The following TMCC1 variants were observed in gnomAD, a reference collection of about 807,000 sequenced individuals.
TMCC1 encodes the protein transmembrane and coiled-coil domains protein 1.
Under a neutral mutation model 52.4 loss-of-function variants are expected in TMCC1, and 15 were observed. That is an observed-to-expected ratio of 0.29 (90% CI 0.19 to 0.44). The LOEUF (loss-of-function observed/expected upper bound fraction) is 0.44. TMCC1 is among the 20% of genes least tolerant of loss of function. The pLI, the probability that TMCC1 is intolerant of heterozygous loss-of-function variation, is 1.00. For missense variants in TMCC1, 503 were observed against 806.0 expected (o/e 0.62, Z 4.55); for synonymous variants, 279 against 301.9 (o/e 0.92, Z 0.79).
chr3:129,797,926 A>C (rs2056941738), intron 4 of TMCC1, among the ~76,000 whole-genome samples: 1 of 151,986 alleles, frequency 6.6e-6, no homozygotes, highest in Non-Finnish European at 1.5e-5. Flanking sequence ...CTAACATTTA[A>C]GCTGTTTAAA....
chr3:129,807,124 A>G (rs1326496257), intron 4 of TMCC1, among the ~76,000 whole-genome samples: 1 of 152,180 alleles, frequency 6.6e-6, no homozygotes, highest in Non-Finnish European at 1.5e-5. Context: ...AGCAGGCAAA[A>G]CTAAACAATA....
chr3:129,786,501 T>C (rs2056047733), intron 4 of TMCC1, among the ~76,000 whole-genome samples: 1 of 151,868 alleles, frequency 6.6e-6, no homozygotes, highest in Admixed American at 6.6e-5. Context: ...GGGGAAGGAG[T>C]CTTGGGAACC....
intron 4 of TMCC1, among the ~76,000 whole-genome samples, chr3:129,779,275 C>G (rs573962960): frequency 2.0e-5 from 3 of 152,132 alleles, no homozygotes; most frequent in Non-Finnish European, 4.4e-5. Flanking sequence ...TAAAATATCT[C>G]TTATATTTTA....
Position 129,757,559 on chromosome 3 carries a change from G to C in TMCC1, c.576+70244C>G, listed in dbSNP as rs781594023. 9.9e-4 allele frequency among the ~76,000 whole-genome samples: 151 copies of C among 152,150 alleles called. 4 individuals are homozygous for C. Among genetic ancestry groups the C allele is most frequent in the Non-Finnish European group, 2.9e-4 (20 of 68,016 alleles). On this transcript the variant is annotated intron_variant, in intron 4 of 6. Transcript: ENST00000393238. The stretch of plus-strand genomic sequence containing the variant: ...GAATCGGCTGGGCATGGTTGCTCAT[G>C]CCTGTAATCCCAGCACTTTGGGAGG...
intron 4 of TMCC1, among the ~76,000 whole-genome samples, chr3:129,678,389 C>G (rs2088657090): frequency 9.0e-6 from 1 of 110,776 alleles, no homozygotes. Flanking sequence ...GAGATGGCGT[C>G]TCACTCTGTT....
In TMCC1 at chr3:129,709,563, T is replaced by C. The variant is rs184253127; in HGVS notation, c.577-38299A>G. On this transcript the variant is annotated intron_variant, in intron 4 of 6. Transcript: ENST00000393238. ...CATTTACTTTTCTCTGGTTAGTCCA[T>C]GATCCTGAGGTCCAAGTTTTTTGTT... Among the ~76,000 whole-genome samples the C allele has an allele frequency of 9.2e-5, 14 of 151,528 alleles. No homozygotes were observed. The East Asian group carries it at 2.5e-3, about 27-fold the overall frequency.
chr3:129,840,720 C>T (rs1253650873), intron 2 of TMCC1, among the ~76,000 whole-genome samples: 3 of 152,196 alleles, frequency 2.0e-5, no homozygotes, highest in Admixed American at 6.5e-5. Context: ...ACTCCTGCTG[C>T]CATGTAAGAC....
chr3:129,732,338 CA>C (rs769047315), intron 4 of TMCC1, among the ~76,000 whole-genome samples: 44 of 152,102 alleles, frequency 2.9e-4, no homozygotes, highest in Non-Finnish European at 4.6e-4. Flanking sequence ...GTTAAGTTTT[CA>C]AAGTCTTTGC....
At chr3:129,860,597 CATT>C (rs907218479) in intron 2 of TMCC1, among the ~76,000 whole-genome samples, 2 of 151,494 alleles carry the variant, frequency 1.3e-5, no homozygotes, top group African/African-American at 2.4e-5. Context: ...ATAACAAACA[CATT>C]ATTATTTTTT....
chr3:129,674,525 T>TG (rs996665752), intron 4 of TMCC1, among the ~76,000 whole-genome samples: 4 of 151,144 alleles, frequency 2.6e-5, no homozygotes, highest in Non-Finnish European at 5.9e-5. Context: ...AGGAGAATGA[T>TG]GGAGTGAAAG....
chr3:129,842,824 A>C (rs1440150949), intron 2 of TMCC1, among the ~76,000 whole-genome samples: 1 of 152,206 alleles, frequency 6.6e-6, no homozygotes, highest in African/African-American at 2.4e-5. Flanking sequence ...GTCATAAGGA[A>C]ATTTTAAAAA....
At chr3:129,796,494 A>G (rs556155282) in intron 4 of TMCC1, among the ~76,000 whole-genome samples, 19 of 152,182 alleles carry the variant, frequency 1.2e-4, no homozygotes, top group African/African-American at 4.1e-4. Context: ...TAGTATCCCA[A>G]CTCTTCAAAT....
intron 4 of TMCC1, among the ~76,000 whole-genome samples, chr3:129,708,533 A>C (rs2048411982): frequency 6.6e-6 from 1 of 152,238 alleles, no homozygotes; most frequent in Non-Finnish European, 1.5e-5. Flanking sequence ...TGAATCACAT[A>C]ATGTGATGAC....
intron 6 of TMCC1, among the ~76,000 whole-genome samples, chr3:129,654,647 C>G (rs1461072105): frequency 6.6e-6 from 1 of 152,102 alleles, no homozygotes; most frequent in Non-Finnish European, 1.5e-5. Flanking sequence ...AAGGAGAAGA[C>G]AAGGACAAAA....
At chr3:129,872,985 T>G (rs1308639722) in intron 2 of TMCC1, among the ~76,000 whole-genome samples, 2 of 151,394 alleles carry the variant, frequency 1.3e-5, no homozygotes, top group East Asian at 3.9e-4. Context: ...TGGCACAATC[T>G]CGGCTCACTG....
intron 4 of TMCC1, among the ~76,000 whole-genome samples, chr3:129,703,130 A>C (rs981014631): frequency 6.6e-6 from 1 of 152,236 alleles, no homozygotes; most frequent in African/African-American, 2.4e-5. Context: ...AAAAACCCAC[A>C]TACAAAGGCT....
At chr3:129,708,975 T>G (rs2048443713) in intron 4 of TMCC1, among the ~76,000 whole-genome samples, 1 of 152,214 alleles carries the variant, frequency 6.6e-6, no homozygotes, top group South Asian at 2.1e-4. Context: ...GGGCTTCTTT[T>G]ATAATAAAGT....
chr3:129,834,069 T>C (rs2059043962), intron 2 of TMCC1, among the ~76,000 whole-genome samples: 1 of 152,152 alleles, frequency 6.6e-6, no homozygotes, highest in African/African-American at 2.4e-5. Context: ...TGGTGAAGTG[T>C]GTAAGAAAGA....
chr3:129,729,611 G>A (rs2050384059), intron 4 of TMCC1, among the ~76,000 whole-genome samples: 1 of 152,068 alleles, frequency 6.6e-6, no homozygotes, highest in Non-Finnish European at 1.5e-5. Flanking sequence ...GGTCACTTGA[G>A]GCCAGGAGGT....
Sources: allele counts gnomAD v4.1 joint callset (sites outside exome capture counted in the v4.1 genomes callset), GRCh38; gene constraint gnomAD v4.1.1; transcripts MANE v1.5; gene names NCBI Gene and HGNC (gene_info 2026-07-23, HGNC 2026-07-21).